Variants in TMEM163 observed in about 807,000 individuals in gnomAD.
The protein encoded by TMEM163 is transmembrane protein 163.
In TMEM163, 17 loss-of-function variants were observed where a neutral mutation model predicts 29.3. That is an observed-to-expected ratio of 0.58 (90% CI 0.40 to 0.87). The LOEUF is 0.87. Among genes scored for constraint, TMEM163 ranks in the 40% least tolerant of loss-of-function variants. TMEM163 has a pLI of 0.00. For synonymous variants in TMEM163, 157 were observed against 160.6 expected (o/e 0.98, Z 0.17); for missense variants, 303 against 381.5 (o/e 0.79, Z 1.71).
chr2:134,672,345 G>A (rs922444869), intron 2 of TMEM163, among the ~76,000 whole-genome samples: 2 of 152,144 alleles, frequency 1.3e-5, no homozygotes, highest in Non-Finnish European at 2.9e-5. Context: ...ATATGCATAG[G>A]TACAAAACCA....
chr2:134,502,855 G>T (rs751769141), intron 5 of TMEM163, 46 bp downstream of exon 5: 2 of 1,567,362 alleles, frequency 1.3e-6, no homozygotes, highest in East Asian at 4.5e-5. Context: ...AGCCCAGGGG[G>T]CCAGCGCTGG....
intron 4 of TMEM163, among the ~76,000 whole-genome samples, chr2:134,506,114 A>G (rs1679819276): frequency 6.6e-6 from 1 of 152,188 alleles, no homozygotes; most frequent in Non-Finnish European, 1.5e-5. Flanking sequence ...AAATCAAAAG[A>G]AATTTGTGAT....
chr2:134,583,821 C>T (rs894946157), intron 2 of TMEM163, among the ~76,000 whole-genome samples: 2 of 152,158 alleles, frequency 1.3e-5, no homozygotes, highest in Non-Finnish European at 2.9e-5. Flanking sequence ...TCTCTGCTCC[C>T]TCAATCCCTC....
intron 2 of TMEM163, among the ~76,000 whole-genome samples, chr2:134,565,610 GA>G (rs57236850): frequency 4.0e-4 from 54 of 135,144 alleles, no homozygotes; most frequent in Admixed American, 7.5e-4. Context: ...TCTGTCTCCA[GA>G]AAAAAAAAAA....
intron 2 of TMEM163, among the ~76,000 whole-genome samples, chr2:134,569,249 C>T (rs1454014931): frequency 6.6e-6 from 1 of 152,156 alleles, no homozygotes; most frequent in Non-Finnish European, 1.5e-5. Context: ...TAACTCATAA[C>T]CAGGTATCAG....
intron 2 of TMEM163, among the ~76,000 whole-genome samples, chr2:134,642,406 A>C (rs1299173992): frequency 6.6e-6 from 1 of 152,216 alleles, no homozygotes; most frequent in African/African-American, 2.4e-5. Flanking sequence ...CTGGCATTAC[A>C]GGCACGAGCC....
rs116332642 is a variant in TMEM163 at position 134,481,383 on chromosome 2, G to T, written c.556-15158C>A. Among the ~76,000 whole-genome samples, 131 of 151,268 alleles carry T rather than the reference G, an allele frequency of 8.7e-4. 1 individual carries two copies. The highest frequency in any genetic ancestry group is 2.6e-3 in the African/African-American group (107 of 41,162). ...GTGGGAGGTAATTGAATCATGGGGG[G>T]GGGGGGAGCTTTTCCTGTGCTATTC... On this transcript the variant is annotated intron_variant, in intron 5 of 7. Transcript: ENST00000281924.
At chr2:134,466,392 G>A (rs1269771062) in intron 5 of TMEM163, 167 bp from the exon 6 acceptor site, 5 of 562,374 alleles carry the variant, frequency 8.9e-6, no homozygotes, top group African/African-American at 7.6e-5. Context: ...TGTGTCACCA[G>A]GAATTGGAAA....
intron 2 of TMEM163, among the ~76,000 whole-genome samples, chr2:134,606,763 G>C (rs537421408): frequency 1.3e-5 from 2 of 152,256 alleles, no homozygotes; most frequent in African/African-American, 4.8e-5. Flanking sequence ...GGTGGCCACA[G>C]CACTGAATGT....
intron 2 of TMEM163, among the ~76,000 whole-genome samples, chr2:134,700,750 TC>T (rs1220633977): frequency 2.0e-5 from 3 of 151,700 alleles, no homozygotes; most frequent in Non-Finnish European, 4.4e-5. Context: ...AATACAAAAA[TC>T]AGCTGGGCGT....
chr2:134,717,437 T>C (rs1312203999), intron 1 of TMEM163, among the ~76,000 whole-genome samples: 1 of 152,168 alleles, frequency 6.6e-6, no homozygotes, highest in Non-Finnish European at 1.5e-5. Flanking sequence ...CAGCTCCAGT[T>C]CTCGCTGAGC....
chr2:134,584,482 G>C (rs61101918), intron 2 of TMEM163, among the ~76,000 whole-genome samples: 3,406 of 152,178 alleles, frequency 0.022, 118 homozygotes, highest in African/African-American at 0.075. Context: ...CTGCTCTATG[G>C]TCACCCATGT....
intron 6 of TMEM163, chr2:134,459,328 T>C (rs1278009320): frequency 6.9e-6 from 1 of 143,984 alleles, no homozygotes; most frequent in African/African-American, 2.7e-5. Flanking sequence ...ACAACGCACT[T>C]GGTGGCACGC....
At chr2:134,542,539 G>A (rs1680698448) in intron 4 of TMEM163, among the ~76,000 whole-genome samples, 1 of 152,144 alleles carries the variant, frequency 6.6e-6, no homozygotes, top group African/African-American at 2.4e-5. Context: ...ATTACCGCCT[G>A]GGCTCCACCT....
At chr2:134,693,630 A>AT (rs1398362515) in intron 2 of TMEM163, among the ~76,000 whole-genome samples, 5 of 144,690 alleles carry the variant, frequency 3.5e-5, no homozygotes, top group African/African-American at 1.4e-4. Context: ...AAAAAAAAAA[A>AT]CCTGAAACTG....
At chr2:134,494,837 C>T (rs1047902013) in intron 5 of TMEM163, among the ~76,000 whole-genome samples, 1 of 152,192 alleles carries the variant, frequency 6.6e-6, no homozygotes, top group Non-Finnish European at 1.5e-5. Context: ...GCTCCGGGTC[C>T]CCCAGGCACT....
intron 2 of TMEM163, among the ~76,000 whole-genome samples, chr2:134,597,245 T>C (rs1185179712): frequency 6.6e-6 from 1 of 152,228 alleles, no homozygotes; most frequent in Non-Finnish European, 1.5e-5. Flanking sequence ...ATATTGGCTG[T>C]GGGTTTGTCA....
chr2:134,665,286 A>C (rs1683850020), intron 2 of TMEM163, among the ~76,000 whole-genome samples: 1 of 152,226 alleles, frequency 6.6e-6, no homozygotes. Context: ...CAATCATGGC[A>C]GAAGGTCAAG....
chr2:134,688,154 A>G (rs1164497188), intron 2 of TMEM163, among the ~76,000 whole-genome samples: 1 of 152,130 alleles, frequency 6.6e-6, no homozygotes, highest in Non-Finnish European at 1.5e-5. Context: ...AGGAACCTCA[A>G]AAGACACTCC....
Sources: gnomAD v4.1 joint callset for allele counts (sites outside exome capture counted in the v4.1 genomes callset) on GRCh38, gnomAD v4.1.1 for gene constraint, MANE v1.5 for transcripts, NCBI Gene and HGNC (gene_info 2026-07-23, HGNC 2026-07-21) for gene names.